KAZN: variants seen among roughly 807,000 people sequenced by gnomAD.
The protein encoded by KAZN is kazrin.
Under a neutral mutation model 87.4 loss-of-function variants are expected in KAZN, and 40 were observed. The observed-to-expected ratio is 0.46, with a 90% CI of 0.36 to 0.60. KAZN has a LOEUF of 0.60. Ranked by LOEUF, KAZN falls within the 20% of genes least tolerant of loss-of-function variation. The pLI is 0.00. For missense variants in KAZN, 898 were observed against 1,073.9 expected (o/e 0.84, Z 2.29); for synonymous variants, 466 against 458.3 (o/e 1.02, Z -0.22).
At chr1:14,055,091 G>A (rs555499947) in intron 1 of KAZN, among the ~76,000 whole-genome samples, 9 of 152,314 alleles carry the variant, frequency 5.9e-5, no homozygotes, top group South Asian at 2.1e-4. Flanking sequence ...CCATGGAAGG[G>A]TGAGGAAGGA....
intron 2 of KAZN, among the ~76,000 whole-genome samples, chr1:14,494,416 T>A (rs954467476): frequency 1.2e-4 from 19 of 152,280 alleles, no homozygotes; most frequent in African/African-American, 3.6e-4. Context: ...GTTTTTGAAT[T>A]TGGGTCCCTC....
chr1:15,098,934 A>G (rs1308861850), intron 10 of KAZN, among the ~76,000 whole-genome samples: 1 of 152,234 alleles, frequency 6.6e-6, no homozygotes, highest in African/African-American at 2.4e-5. Flanking sequence ...CCAGGAGCTG[A>G]CCGTCCAGTG....
At chr1:13,972,752 T>C (rs1470659706) in intron 1 of KAZN, among the ~76,000 whole-genome samples, 2 of 152,186 alleles carry the variant, frequency 1.3e-5, no homozygotes, top group African/African-American at 4.8e-5. Flanking sequence ...AATCAAAACA[T>C]CTGGATCTTG....
At chr1:14,522,279 G>A (rs757334286) in intron 2 of KAZN, among the ~76,000 whole-genome samples, 4 of 152,170 alleles carry the variant, frequency 2.6e-5, no homozygotes, top group Non-Finnish European at 5.9e-5. Context: ...AGAGAAATAT[G>A]TTCTGCCTCC....
chr1:13,959,243 T>C (rs980408999), intron 1 of KAZN, among the ~76,000 whole-genome samples: 2 of 152,150 alleles, frequency 1.3e-5, no homozygotes, highest in African/African-American at 4.8e-5. Context: ...AAGATGGTCC[T>C]CACCAAAACC....
chr1:15,020,572 G>C (rs1267076760), intron 2 of KAZN, among the ~76,000 whole-genome samples: 1 of 152,058 alleles, frequency 6.6e-6, no homozygotes, highest in Non-Finnish European at 1.5e-5. Flanking sequence ...CACTCGGTCC[G>C]TGTGGCTCTT....
At chr1:14,579,670 A>G (rs1047673935) in intron 2 of KAZN, among the ~76,000 whole-genome samples, 2 of 152,110 alleles carry the variant, frequency 1.3e-5, no homozygotes, top group African/African-American at 4.8e-5. Flanking sequence ...CAGTAAGCAT[A>G]CTATTTGACC....
chr1:14,271,607 G>C (rs1557607176), intron 2 of KAZN, among the ~76,000 whole-genome samples: 2 of 152,118 alleles, frequency 1.3e-5, no homozygotes, highest in East Asian at 3.9e-4. Flanking sequence ...CTCTCTCTCT[G>C]TCTCTCTCAT....
chr1:15,109,023 G>A (rs1382430996), intron 13 of KAZN, among the ~76,000 whole-genome samples: 1 of 152,132 alleles, frequency 6.6e-6, no homozygotes, highest in Non-Finnish European at 1.5e-5. Context: ...CACACTGGAG[G>A]CCAAGGTCAC....
intron 2 of KAZN, among the ~76,000 whole-genome samples, chr1:14,393,212 TTCTCA>T (rs1662605788): frequency 6.6e-6 from 1 of 152,180 alleles, no homozygotes; most frequent in Non-Finnish European, 1.5e-5. Context: ...AACAGGCACT[TTCTCA>T]AAGTATTTTT....
rs146598339 is a variant in KAZN, at chr1:14,819,497, TAA to T, written c.227-141183_227-141182del. On this transcript the variant is annotated intron_variant, in intron 1 of 14. Coordinates refer to ENST00000376030, the MANE Select transcript of KAZN (RefSeq NM_201628.3). ...TCCAACCAGTGGGCAGCCTTACGAATAAAAACTGGTTTTCCCAAAAAACGAAG... is the reference window on the plus strand; with the variant it reads ...TCCAACCAGTGGGCAGCCTTACGAATAAACTGGTTTTCCCAAAAAACGAAG... Among the ~76,000 whole-genome samples, 83 of 152,134 alleles carry T rather than the reference TAA, an allele frequency of 5.5e-4. 1 individual carries two copies. Among genetic ancestry groups the T allele is most frequent in the African/African-American group, 1.9e-3 (78 of 41,506 alleles).
At chr1:14,849,165 C>G (rs777395988) in intron 1 of KAZN, among the ~76,000 whole-genome samples, 1 of 152,156 alleles carries the variant, frequency 6.6e-6, no homozygotes, top group Admixed American at 6.5e-5. Context: ...GCGTTCATTC[C>G]GCTTAAGTTG....
At chr1:13,902,363 G>T (rs1004726873) in intron 1 of KAZN, among the ~76,000 whole-genome samples, 1 of 152,142 alleles carries the variant, frequency 6.6e-6, no homozygotes, top group Non-Finnish European at 1.5e-5. Flanking sequence ...GGGTGTAGGG[G>T]GTATATACTT....
At chr1:14,235,794 C>T (rs543707719) in intron 2 of KAZN, among the ~76,000 whole-genome samples, 4 of 152,260 alleles carry the variant, frequency 2.6e-5, no homozygotes, top group East Asian at 1.9e-4. Context: ...ATTGTTGATG[C>T]GAATGACAAG....
intron 1 of KAZN, among the ~76,000 whole-genome samples, chr1:14,808,461 TA>T (rs1646297306): frequency 1.3e-5 from 2 of 150,400 alleles, no homozygotes; most frequent in Non-Finnish European, 3.0e-5. Flanking sequence ...CACGGTCGGC[TA>T]ATTTTTTTTT....
chr1:14,015,913 G>A (rs1035165232), intron 1 of KAZN, among the ~76,000 whole-genome samples: 6 of 151,992 alleles, frequency 3.9e-5, no homozygotes, highest in African/African-American at 1.2e-4. Context: ...TGATTCCAGA[G>A]CTCCACAACC....
chr1:14,441,604 C>A (rs1666709407), intron 2 of KAZN, among the ~76,000 whole-genome samples: 1 of 152,110 alleles, frequency 6.6e-6, no homozygotes, highest in Non-Finnish European at 1.5e-5. Flanking sequence ...GATTTTAACA[C>A]AAATTAATTG....
chr1:14,855,756 A>G (rs759268052), intron 1 of KAZN, among the ~76,000 whole-genome samples: 2 of 152,242 alleles, frequency 1.3e-5, no homozygotes, highest in Non-Finnish European at 2.9e-5. Context: ...TACCGAAGCC[A>G]GACAGAGCTT....
intron 1 of KAZN, among the ~76,000 whole-genome samples, chr1:13,936,115 A>T: frequency 1.2e-4 from 1 of 8,678 alleles, no homozygotes; most frequent in African/African-American, 2.9e-4. Flanking sequence ...TTTTTTTGAG[A>T]CAGAGTTTCA....
Sources: allele counts gnomAD v4.1 joint callset (sites outside exome capture counted in the v4.1 genomes callset), GRCh38; gene constraint gnomAD v4.1.1; transcripts MANE v1.5; gene names NCBI Gene and HGNC (gene_info 2026-07-23, HGNC 2026-07-21).